ADGRB3: variants seen among roughly 807,000 people sequenced by gnomAD.
ADGRB3 encodes brain-specific angiogenesis inhibitor 3.
A neutral mutation model predicts 193.4 loss-of-function variants in ADGRB3; 37 were observed. The ratio of observed to expected loss-of-function variants is 0.19; its 90% CI spans 0.15 to 0.25. The LOEUF (loss-of-function observed/expected upper bound fraction) is 0.25. Among genes scored for constraint, ADGRB3 ranks in the 10% least tolerant of loss-of-function variants. The pLI is 1.00. For synonymous variants in ADGRB3, 690 were observed against 644.2 expected (o/e 1.07, Z -1.08); for missense variants, 1,637 against 1,852.9 (o/e 0.88, Z 2.14).
At chr6:68,821,617 G>A (rs1299548466) in intron 3 of ADGRB3, among the ~76,000 whole-genome samples, 1 of 151,482 alleles carries the variant, frequency 6.6e-6, no homozygotes, top group Non-Finnish European at 1.5e-5. Flanking sequence ...TGAGTGAAAT[G>A]GATCATGCGT....
At chr6:69,207,239 C>CA (rs1190368026) in intron 17 of ADGRB3, among the ~76,000 whole-genome samples, 4 of 152,182 alleles carry the variant, frequency 2.6e-5, no homozygotes, top group Non-Finnish European at 4.4e-5. Context: ...GAATGGGAAG[C>CA]AAAAAAATTT....
intron 3 of ADGRB3, among the ~76,000 whole-genome samples, chr6:68,677,474 A>G (rs1029798680): frequency 7.0e-6 from 1 of 142,636 alleles, no homozygotes; most frequent in Non-Finnish European, 1.6e-5. Flanking sequence ...TTCAGAATTT[A>G]TTTATAAATA....
rs189252626 is a variant in ADGRB3, at chr6:69,376,612, T to C, written c.4275+4171T>C. ...GGATAATAGAAGTAAGAGATCATTT[T>C]ATATTAACTCAATATCACTACAAAC... On this transcript the variant is annotated intron_variant, in intron 30 of 31. Coordinates refer to ENST00000370598, the MANE Select transcript of ADGRB3 (RefSeq NM_001704.3). 1.4e-3 allele frequency among the ~76,000 whole-genome samples: 208 copies of C among 152,168 alleles called. 1 individual carries two copies. The highest frequency in any genetic ancestry group is 2.3e-3 in the Non-Finnish European group (156 of 67,984).
intron 3 of ADGRB3, among the ~76,000 whole-genome samples, chr6:68,916,203 G>A (rs1766875674): frequency 6.6e-6 from 1 of 151,916 alleles, no homozygotes; most frequent in South Asian, 2.1e-4. Flanking sequence ...AGCAGATTAA[G>A]AAAAACAGGA....
intron 3 of ADGRB3, among the ~76,000 whole-genome samples, chr6:68,778,400 T>A (rs920123695): frequency 4.6e-5 from 7 of 152,136 alleles, no homozygotes; most frequent in African/African-American, 1.7e-4. Flanking sequence ...AGCAATGTAT[T>A]GTCATGCCCA....
chr6:69,150,587 C>G (rs1399781206), intron 17 of ADGRB3, among the ~76,000 whole-genome samples: 2 of 152,240 alleles, frequency 1.3e-5, no homozygotes, highest in East Asian at 3.9e-4. Flanking sequence ...CAAGAATGCA[C>G]TTGGTGCTCT....
Position 69,354,285 on chromosome 6 carries a change from C to G in ADGRB3, c.3512C>G (p.Ala1171Gly), listed in dbSNP as rs755259517. 4 of 1,614,002 alleles carry G rather than the reference C, an allele frequency of 2.5e-6. No homozygotes were observed. The highest frequency in any genetic ancestry group is 2.5e-6 in the Non-Finnish European group (3 of 1,179,930). ...RLRNCQDPIN[A>G]DSSSSFPNGH... ...AGAAACTGTCAGGATCCCATCAATG[C>G]AGATTCTTCGAGTTCGTTTCCTAAT... Residue 1171 changes from alanine to glycine, a missense_variant, in exon 27 of 32, where the codon GCA (alanine) becomes GGA (glycine). Ala to Gly is a moderately conservative substitution (Grantham distance 60, BLOSUM62 0). This residue lies in a region of ADGRB3 where 116 missense variants were observed against 168.1 expected (regional missense o/e 0.69). Coordinates refer to ENST00000370598, the MANE Select transcript of ADGRB3 (RefSeq NM_001704.3).
chr6:69,256,629 T>C (rs929801506), intron 20 of ADGRB3, among the ~76,000 whole-genome samples: 1 of 152,142 alleles, frequency 6.6e-6, no homozygotes, highest in African/African-American at 2.4e-5. Context: ...TTTCTAGATA[T>C]ACAATCATGT....
At chr6:69,276,184 T>C (rs1336618028) in intron 20 of ADGRB3, among the ~76,000 whole-genome samples, 1 of 152,214 alleles carries the variant, frequency 6.6e-6, no homozygotes, top group Non-Finnish European at 1.5e-5. Flanking sequence ...ATCTGGAATT[T>C]AGCGTATTTC....
rs1357816555 is a variant in ADGRB3, at chr6:68,639,347, G to A, written c.672G>A (p.Glu224=). 1.2e-6 allele frequency: 2 copies of A among 1,614,062 alleles called. No homozygotes were observed. Among genetic ancestry groups the A allele is most frequent in the South Asian group, 2.2e-5 (2 of 91,082 alleles). The change falls in exon 3 of 32, where the codon GAG becomes GAA. Residue 224 remains glutamate (E), a synonymous_variant. Coordinates refer to ENST00000370598, the MANE Select transcript of ADGRB3 (RefSeq NM_001704.3). ...LLNNVVLPLN[E]QTEGCLTQEL... is the part of the protein sequence containing the mutation. ...ATAACGTGGTGTTACCCCTGAATGA[G>A]CAGACAGAGGGCTGCCTGACCCAGG... is the stretch of plus-strand genomic sequence containing the variant.
chr6:68,657,284 A>G (rs1768511909), intron 3 of ADGRB3, among the ~76,000 whole-genome samples: 1 of 151,444 alleles, frequency 6.6e-6, no homozygotes, highest in East Asian at 1.9e-4. Flanking sequence ...GTAGTTTTAC[A>G]GAACTATTTG....
chr6:69,338,791 A>G (rs1046141611), intron 24 of ADGRB3, 125 bp from the exon 25 acceptor site: 1 of 778,054 alleles, frequency 1.3e-6, no homozygotes, highest in Non-Finnish European at 2.2e-6. Context: ...AACCTAGAGC[A>G]TACATTTTTG....
intron 3 of ADGRB3, among the ~76,000 whole-genome samples, chr6:68,781,172 G>C (rs1201900652): frequency 6.6e-6 from 1 of 152,086 alleles, no homozygotes; most frequent in Non-Finnish European, 1.5e-5. Context: ...GTAGTTTCTT[G>C]TCTTCAGCGA....
chr6:69,204,321 G>A (rs543883722), intron 17 of ADGRB3, among the ~76,000 whole-genome samples: 14 of 152,090 alleles, frequency 9.2e-5, no homozygotes, highest in South Asian at 4.1e-4. Flanking sequence ...TAATAAAAAC[G>A]ATTATGTTGC....
At chr6:68,818,589 TC>T (rs1767682083) in intron 3 of ADGRB3, among the ~76,000 whole-genome samples, 1 of 152,086 alleles carries the variant, frequency 6.6e-6, no homozygotes, top group Non-Finnish European at 1.5e-5. Context: ...TCTGGCTGTA[TC>T]TTACTAGCAA....
chr6:69,330,418 A>G, intron 22 of ADGRB3, 88 bp from the exon 23 acceptor site: 1 of 959,850 alleles, frequency 1.0e-6, no homozygotes, highest in Non-Finnish European at 1.5e-6. Context: ...CCAAGGCAAA[A>G]TGTATAATCT....
At chr6:68,859,208 C>T (rs139326424) in intron 3 of ADGRB3, among the ~76,000 whole-genome samples, 1 of 152,180 alleles carries the variant, frequency 6.6e-6, no homozygotes, top group Non-Finnish European at 1.5e-5. Flanking sequence ...CAGTTCCCAA[C>T]AAATTCCCCA....
chr6:69,372,359 AT>A (rs1230565082), intron 29 of ADGRB3, 46 bp from the exon 30 acceptor site: 1 of 1,129,506 alleles, frequency 8.9e-7, no homozygotes, highest in East Asian at 2.8e-5. Context: ...ATGACTAAAC[AT>A]AACTTTATTG....
intron 3 of ADGRB3, among the ~76,000 whole-genome samples, chr6:68,914,926 A>G (rs924264830): frequency 2.0e-5 from 3 of 152,218 alleles, no homozygotes; most frequent in Non-Finnish European, 4.4e-5. Context: ...AATAAAATCT[A>G]CAAAACAGTT....
Sources: gnomAD v4.1 joint callset for allele counts (sites outside exome capture counted in the v4.1 genomes callset) on GRCh38, gnomAD v4.1.1 for gene constraint, gnomAD v4.1.1 regional missense constraint, MANE v1.5 for transcripts, NCBI Gene and HGNC (gene_info 2026-07-23, HGNC 2026-07-21) for gene names.